The following NOTCH2 variants were observed in gnomAD, a reference collection of about 807,000 sequenced individuals.
NOTCH2 encodes neurogenic locus notch homolog protein 2.
In NOTCH2, 29 loss-of-function variants were observed where a neutral mutation model predicts 235.8. The observed-to-expected ratio is 0.12, with a 90% CI of 0.09 to 0.17. NOTCH2 has a LOEUF of 0.17. NOTCH2 is among the 10% of genes least tolerant of loss of function. NOTCH2 has a pLI of 1.00. For synonymous variants in NOTCH2, 1,086 were observed against 1,141.5 expected (o/e 0.95, Z 0.98); for missense variants, 2,285 against 3,150.2 (o/e 0.73, Z 6.57).
chr1:119,958,360 G>T (rs186544092), intron 12 of NOTCH2, among the ~76,000 whole-genome samples: 6 of 152,336 alleles, frequency 3.9e-5, no homozygotes, highest in Admixed American at 2.0e-4. Flanking sequence ...CCAAATAGGA[G>T]AAATTCTTGT....
intron 5 of NOTCH2, among the ~76,000 whole-genome samples, chr1:119,976,720 T>C (rs587625702): frequency 2.0e-5 from 3 of 152,240 alleles, no homozygotes; most frequent in African/African-American, 7.2e-5. Context: ...ACCAGTGTTT[T>C]CTGCCTATCT....
intron 1 of NOTCH2, among the ~76,000 whole-genome samples, chr1:120,041,068 AAAAATATATATATATATATAT>A (rs1654540566): frequency 8.9e-6 from 1 of 111,766 alleles, no homozygotes; most frequent in African/African-American, 7.0e-5. Context: ...AAAAAAAAAA[AAAAATATATATATATATATAT>A]ATTCCTGAAC....
chr1:119,965,389 G>C (rs1570698384), intron 10 of NOTCH2, 64 bp downstream of exon 10: 4 of 1,237,618 alleles, frequency 3.2e-6, no homozygotes, highest in East Asian at 2.3e-5. Flanking sequence ...CAGAGGACAG[G>C]GACAATCACC....
At chr1:119,983,119 A>G (rs1553201864) in intron 5 of NOTCH2, among the ~76,000 whole-genome samples, 1 of 152,228 alleles carries the variant, frequency 6.6e-6, no homozygotes, top group East Asian at 1.9e-4. Context: ...TATTTAATTC[A>G]ATGTACCAAA....
intron 29 of NOTCH2, 132 bp downstream of exon 29, chr1:119,921,581 G>A (rs887199773): frequency 3.8e-6 from 3 of 795,762 alleles, no homozygotes; most frequent in African/African-American, 3.4e-5. Context: ...ACCTAGGATA[G>A]TTATTGTCTG....
At chr1:119,967,862 G>A (rs1281721318) in intron 7 of NOTCH2, among the ~76,000 whole-genome samples, 3 of 152,118 alleles carry the variant, frequency 2.0e-5, no homozygotes, top group African/African-American at 7.2e-5. Flanking sequence ...TTTATATTAA[G>A]AATCAAGTAC....
At chr1:119,936,563 A>T (rs1442918372) in intron 21 of NOTCH2, among the ~76,000 whole-genome samples, 3 of 152,188 alleles carry the variant, frequency 2.0e-5, no homozygotes, top group Non-Finnish European at 2.9e-5. Flanking sequence ...TTTTGAGCTA[A>T]TGAGACCCAG....
intron 5 of NOTCH2, among the ~76,000 whole-genome samples, chr1:119,979,306 T>C (rs781895698): frequency 1.6e-4 from 24 of 152,192 alleles, no homozygotes; most frequent in Non-Finnish European, 3.4e-4. Context: ...TAGGTTTTCC[T>C]GACAACTCTA....
chr1:119,982,136 A>G (rs1553201731), intron 5 of NOTCH2, among the ~76,000 whole-genome samples: 1 of 152,040 alleles, frequency 6.6e-6, no homozygotes, highest in Non-Finnish European at 1.5e-5. Flanking sequence ...CACATCAAAC[A>G]TTTTTACTGA....
In NOTCH2 at chr1:119,915,077, A is replaced by G. The variant is rs1649017332; in HGVS notation, c.*229T>C. ...GACCCAAGGCTTGTATTCATCTTGC[A>G]TTTCCACAAACTTGTCTTATTAGAT... On this transcript the variant is annotated 3_prime_UTR_variant, in exon 34 of 34. Transcript: ENST00000256646. 1 of 576,680 alleles carries G rather than the reference A, an allele frequency of 1.7e-6. No homozygotes were observed. The highest frequency in any genetic ancestry group is 2.9e-5 in the Admixed American group (1 of 34,306). 35.7% of individuals were successfully genotyped at this position (576,680 alleles called of 1,614,324 possible).
At chr1:120,003,586 A>G (rs1176842777) in intron 3 of NOTCH2, among the ~76,000 whole-genome samples, 1 of 151,522 alleles carries the variant, frequency 6.6e-6, no homozygotes, top group Non-Finnish European at 1.5e-5. Flanking sequence ...TTAGTGCTTA[A>G]AGCAGGAGAA....
chr1:119,927,709 T>G lies in NOTCH2; in HGVS notation c.3893-1098A>C, dbSNP rs1649521119. Among the ~76,000 whole-genome samples the G allele has an allele frequency of 2.0e-5, 3 of 152,204 alleles. No individual in the cohort carries two copies. In the South Asian group the frequency reaches 6.2e-4, roughly 32 times the overall value. On this transcript the variant is annotated intron_variant, in intron 23 of 33. Coordinates refer to ENST00000256646, the MANE Select transcript of NOTCH2 (RefSeq NM_024408.4). ...AGAAACAGGAGCCAGTTTTGATGCTTTGGCTTTCAAAGTGCAGTTTGGCCA... is the reference window on the plus strand; with the variant it reads ...AGAAACAGGAGCCAGTTTTGATGCTGTGGCTTTCAAAGTGCAGTTTGGCCA...
chr1:119,986,464 T>C (rs1319866480), intron 5 of NOTCH2, among the ~76,000 whole-genome samples: 1 of 152,180 alleles, frequency 6.6e-6, no homozygotes, highest in Non-Finnish European at 1.5e-5. Flanking sequence ...ATGCGTATCA[T>C]AAAAATAATG....
At chr1:119,965,186 C>T (rs1409072678) in intron 10 of NOTCH2, among the ~76,000 whole-genome samples, 4 of 152,224 alleles carry the variant, frequency 2.6e-5, no homozygotes, top group Non-Finnish European at 5.9e-5. Flanking sequence ...ATCTAGCCAG[C>T]TGGAAACTTA....
At chr1:119,979,180 AAAG>A (rs1651714253) in intron 5 of NOTCH2, among the ~76,000 whole-genome samples, 1 of 152,238 alleles carries the variant, frequency 6.6e-6, no homozygotes, top group African/African-American at 2.4e-5. Context: ...TCAGTGTTAT[AAAG>A]AAGAACCTTA....
At chr1:119,932,444 AG>A (rs1432307132) in intron 22 of NOTCH2, among the ~76,000 whole-genome samples, 1 of 152,060 alleles carries the variant, frequency 6.6e-6, no homozygotes, top group Non-Finnish European at 1.5e-5. Context: ...AAAATCAGCC[AG>A]GCATGGTGGC....
At position 119,937,903 on chromosome 1, in the gene NOTCH2, A is replaced by G. The variant is rs782171180; in HGVS notation, c.3291T>C (p.Tyr1097=). ...CACAAGAGACATTGGGCACGTCACAATAGGCACCAGCCCATCCAGATGGAC... is the reference window on the plus strand; with the variant it reads ...CACAAGAGACATTGGGCACGTCACAGTAGGCACCAGCCCATCCAGATGGAC... ...CLCPSGWAGA[Y]CDVPNVSCDI... is the part of the protein sequence containing the mutation. Residue 1097 remains tyrosine (Y), a synonymous_variant, in exon 20 of 34, where the codon TAT becomes TAC. Coordinates refer to ENST00000256646, the MANE Select transcript of NOTCH2 (RefSeq NM_024408.4). 4 of 1,614,214 alleles carry G rather than the reference A, an allele frequency of 2.5e-6. No homozygotes were observed. Among genetic ancestry groups the G allele is most frequent in the Admixed American group, 3.3e-5 (2 of 60,026 alleles).
At chr1:120,014,951 C>T (rs1430604502) in intron 2 of NOTCH2, among the ~76,000 whole-genome samples, 6 of 139,696 alleles carry the variant, frequency 4.3e-5, no homozygotes. Context: ...CAGGGTGAGG[C>T]CAAATTGCAT....
At chr1:120,037,815 A>G (rs1230101296) in intron 1 of NOTCH2, among the ~76,000 whole-genome samples, 4 of 151,892 alleles carry the variant, frequency 2.6e-5, no homozygotes, top group African/African-American at 9.7e-5. Context: ...TCAGATCCAG[A>G]TATTAAGAAC....
Sources: allele counts gnomAD v4.1 joint callset (sites outside exome capture counted in the v4.1 genomes callset), GRCh38; gene constraint gnomAD v4.1.1; transcripts MANE v1.5; gene names NCBI Gene and HGNC (gene_info 2026-07-23, HGNC 2026-07-21).